Variants in PARP3 observed in about 807,000 individuals in gnomAD.
The protein encoded by PARP3 is poly(ADP-ribose) polymerase family member 3.
PARP3 carries 46 observed loss-of-function variants against 58.2 expected under a neutral mutation model. The ratio of observed to expected loss-of-function variants is 0.79; its 90% CI spans 0.62 to 1.01. The LOEUF (loss-of-function observed/expected upper bound fraction) is 1.01. PARP3 is among the 50% of genes least tolerant of loss of function. The probability of loss-of-function intolerance (pLI) is 0.00; values close to 1 mark genes in which losing one functional copy is unlikely to be tolerated. For missense variants in PARP3, 663 were observed against 683.9 expected (o/e 0.97, Z 0.34); for synonymous variants, 252 against 266.4 (o/e 0.95, Z 0.53).
chr3:51,948,214 C>G, intron 10 of PARP3, 97 bp from the exon 11 acceptor site: 1 of 1,256,694 alleles, frequency 8.0e-7, no homozygotes, highest in East Asian at 2.3e-5. Flanking sequence ...GCAGGCGTGC[C>G]CTGTGACAGA....
chr3:51,945,381 G>A (rs1699652363), intron 6 of PARP3, 114 bp from the exon 7 acceptor site: 1 of 1,395,016 alleles, frequency 7.2e-7, no homozygotes, highest in Non-Finnish European at 9.8e-7. Context: ...GATAGGGTGG[G>A]GAGGGACAGG....
rs115048568 is a variant in PARP3 at position 51,943,676 on chromosome 3, C to T, written c.183+138C>T. 7.2e-3 allele frequency: 5,753 copies of T among 803,696 alleles called. 53 individuals carry two copies. Among genetic ancestry groups the T allele is most frequent in the South Asian group, 0.025 (1,566 of 61,542 alleles). The allele number at this position is 803,696 out of a possible 1,614,324, so 49.8% of individuals were successfully genotyped here. A position where few individuals can be genotyped will look rare whatever the true frequency, so the allele number is the denominator to read the frequency against. On this transcript the variant is annotated intron_variant, in intron 2 of 10. Transcript: ENST00000398755. ...AGCGCCAGAGCAAGGCCATGTTCTC[C>T]TGACCCCAGACATCAGGGCTGTGTC...
intron 9 of PARP3, 49 bp from the exon 10 acceptor site, chr3:51,947,691 A>G: frequency 6.2e-7 from 1 of 1,607,816 alleles, no homozygotes. Flanking sequence ...CCCACAGGTC[A>G]GCAGGAGGCA....
In PARP3 at chr3:51,946,764, A is replaced by G. The variant is rs2106697823; in HGVS notation, c.1276+421A>G. 6.6e-6 allele frequency among the ~76,000 whole-genome samples: 1 copy of G among 152,342 alleles called. No homozygotes were observed. Among genetic ancestry groups the G allele is most frequent in the South Asian group, 2.1e-4 (1 of 4,828 alleles). On this transcript the variant is annotated intron_variant, in intron 9 of 10. Transcript: ENST00000398755. This position sits in a 1 kb window ranked among gnomAD's most constrained non-coding sequence, Gnocchi z 4.6. ...AGACTCCATCTGAAAAAATAAAAAT[A>G]AAAAAGAGGAGACGTCAAGGCAAGG...
In PARP3 at chr3:51,942,416, C is replaced by T; in HGVS notation, c.-295C>T. The T allele has an allele frequency of 1.7e-6, 1 of 573,674 alleles. No individual in the cohort carries two copies. Among genetic ancestry groups the T allele is most frequent in the Non-Finnish European group, 3.2e-6 (1 of 317,030 alleles). The allele number at this position is 573,674 out of a possible 1,614,324, so 35.5% of individuals were successfully genotyped here. On this transcript the variant is annotated 5_prime_UTR_variant, in exon 1 of 11. The change creates a new upstream start codon in the 5' untranslated region. Coordinates refer to ENST00000398755, the MANE Select transcript of PARP3 (RefSeq NM_001003931.4). ...GGCCCCGGCCACATGAGCAGCGCTA[C>T]GGACGCGACTGCCCCGGCCTTGGAT... is the stretch of plus-strand genomic sequence containing the variant.
chr3:51,945,742 T>A (rs1162096214), intron 7 of PARP3, 98 bp downstream of exon 7: 1 of 1,529,852 alleles, frequency 6.5e-7, no homozygotes, highest in African/African-American at 1.4e-5. Context: ...CCCTCAGCCT[T>A]CTCTTCCTGT....
chr3:51,945,191 T>C lies in PARP3; in HGVS notation c.828T>C (p.Pro276=), dbSNP rs1250865425. 1 of 1,613,928 alleles carries C rather than the reference T, an allele frequency of 6.2e-7. No individual in the cohort carries two copies. ...GCCAGCCCCCGCCCATCAATTCCCCTGAGCTTCTGCAGGCCAAGAAGGACA... is the reference window on the plus strand; with the variant it reads ...GCCAGCCCCCGCCCATCAATTCCCCCGAGCTTCTGCAGGCCAAGAAGGACA... ...GHSQPPPINS[P]ELLQAKKDML... Residue 276 remains proline, a synonymous_variant, in exon 6 of 11, where the codon CCT becomes CCC. Transcript: ENST00000398755.
At chr3:51,947,557 A>G in intron 9 of PARP3, 183 bp from the exon 10 acceptor site, 2 of 638,468 alleles carry the variant, frequency 3.1e-6, no homozygotes, top group South Asian at 1.9e-5. Context: ...GCCTGGCCAT[A>G]GGGAGCACAG....
Position 51,945,040 on chromosome 3 carries a change from T to G in PARP3, c.677T>G (p.Ile226Ser). 1 of 1,613,912 alleles carries G rather than the reference T, an allele frequency of 6.2e-7. No individual in the cohort carries two copies. The highest frequency in any genetic ancestry group is 8.5e-7 in the Non-Finnish European group (1 of 1,180,006). The change falls in exon 6 of 11, where the codon ATT (isoleucine) becomes AGT (serine). Residue 226 changes from isoleucine (I) to serine (S), a missense_variant. Ile to Ser is a moderately radical substitution (Grantham distance 142). Around this residue, in one of 3 missense-constraint regions of PARP3, gnomAD observed 567 missense variants for 553.6 expected, o/e 1.02. Coordinates refer to ENST00000398755, the MANE Select transcript of PARP3 (RefSeq NM_001003931.4). ...MPLGKLSKQQ[I>S]ARGFEALEAL... ...CTGGGAAAGCTGAGCAAGCAACAGATTGCACGGGGTTTCGAGGCCTTGGAG... is the reference window on the plus strand; with the variant it reads ...CTGGGAAAGCTGAGCAAGCAACAGAGTGCACGGGGTTTCGAGGCCTTGGAG...
At chr3:51,945,347 C>A in intron 6 of PARP3, 123 bp downstream of exon 6, 3 of 1,197,866 alleles carry the variant, frequency 2.5e-6, no homozygotes, top group Non-Finnish European at 1.1e-6. Flanking sequence ...GGCTGACAGA[C>A]GGGTGGGGAA....
rs1699568280 is a variant in PARP3 at position 51,942,496 on chromosome 3, C to T, written c.-215C>T. 1 of 670,424 alleles carries T rather than the reference C, an allele frequency of 1.5e-6. No individual in the cohort carries two copies. Among genetic ancestry groups the T allele is most frequent in the Non-Finnish European group, 2.8e-6 (1 of 363,004 alleles). 41.5% of individuals were successfully genotyped at this position (670,424 alleles called of 1,614,324 possible). A position where few individuals can be genotyped will look rare whatever the true frequency, so the allele number is the denominator to read the frequency against. On this transcript the variant is annotated 5_prime_UTR_variant, in exon 1 of 11. Coordinates refer to ENST00000398755, the MANE Select transcript of PARP3 (RefSeq NM_001003931.4). Reference sequence around the variant, plus strand: ...GGACTGGTCGCCTGACTCGGCCTGCCCCAGCCTCTGCTTCACCCCACTGGT... The same window carrying T: ...GGACTGGTCGCCTGACTCGGCCTGCTCCAGCCTCTGCTTCACCCCACTGGT...
rs200547379 is a variant in PARP3, at chr3:51,946,381, G to A, written c.1276+38G>A. 2.0e-6 allele frequency: 3 copies of A among 1,522,790 alleles called. No homozygotes were observed. The East Asian group carries it at 6.8e-5, about 34-fold the overall frequency. 94.3% of individuals were successfully genotyped at this position (1,522,790 alleles called of 1,614,324 possible). ...TCTGGGCCAAGCCCTGGGAGGGTTGGCACTAAGATGGATTGGGCCCAGTCC... is the reference window on the plus strand; with the variant it reads ...TCTGGGCCAAGCCCTGGGAGGGTTGACACTAAGATGGATTGGGCCCAGTCC... On this transcript the variant is annotated intron_variant, in intron 9 of 10. Transcript: ENST00000398755. This position sits in a 1 kb window ranked among gnomAD's most constrained non-coding sequence, Gnocchi z 4.6.
chr3:51,947,621 T>C, intron 9 of PARP3, 119 bp from the exon 10 acceptor site: 1 of 1,059,580 alleles, frequency 9.4e-7, no homozygotes, highest in Non-Finnish European at 1.4e-6. Context: ...TGGGGGAGAG[T>C]GAGCCTTTTC....
Position 51,948,368 on chromosome 3 carries a change from G to A in PARP3, c.1490G>A (p.Gly497Asp), listed in dbSNP as rs770674176. 1.2e-6 allele frequency: 2 copies of A among 1,613,464 alleles called. No homozygotes were observed. Among genetic ancestry groups the A allele is most frequent in the East Asian group, 4.5e-5 (2 of 44,878 alleles). The change falls in exon 11 of 11, where the codon GGC becomes GAC. Residue 497 changes from glycine (G) to aspartate (D), a missense_variant. This residue lies in a region of PARP3 where 88 missense variants were observed against 109.1 expected (regional missense o/e 0.81). Transcript: ENST00000398755. ...GGCCAGCAAGTGGTGGTGCCCCAGG[G>A]CCAGCCTGTGCCCTGCCCAGAGTTC... ...LDGQQVVVPQ[G>D]QPVPCPEFSS...
Position 51,947,862 on chromosome 3 carries a change from G to A in PARP3, c.1399G>A (p.Asp467Asn), listed in dbSNP as rs760510733. ...CTTGAAGAGCCCACCTCCTGGCTTC[G>A]ACAGTGTCATTGCCCGAGGCCACAC... ...PSLKSPPPGF[D>N]SVIARGHTEP... is the part of the protein sequence containing the mutation. The change falls in exon 10 of 11, where the codon GAC (aspartate) becomes AAC (asparagine). Residue 467 changes from aspartate (D) to asparagine (N), a missense_variant. By Grantham distance (23) the Asp-to-Asn change is conservative. Transcript: ENST00000398755. 26 of 1,613,952 alleles carry A rather than the reference G, an allele frequency of 1.6e-5. No homozygotes were observed. The highest frequency in any genetic ancestry group is 5.5e-5 in the South Asian group (5 of 91,090).
At chr3:51,948,226 A>T in intron 10 of PARP3, 85 bp from the exon 11 acceptor site, 1 of 1,342,942 alleles carries the variant, frequency 7.4e-7, no homozygotes, top group Admixed American at 2.1e-5. Flanking sequence ...TGTGACAGAC[A>T]TGGAGAGCAT....
At position 51,948,635 on chromosome 3, in the gene PARP3, T is replaced by G. The variant is rs1699737600; in HGVS notation, c.*155T>G. 4.4e-6 allele frequency: 3 copies of G among 675,094 alleles called. No individual in the cohort carries two copies. The highest frequency in any genetic ancestry group is 3.3e-4 in the Middle Eastern group (1 of 3,020). 41.8% of individuals were successfully genotyped at this position (675,094 alleles called of 1,614,324 possible). A position where few individuals can be genotyped will look rare whatever the true frequency, so the allele number is the denominator to read the frequency against. On this transcript the variant is annotated 3_prime_UTR_variant, in exon 11 of 11. Transcript: ENST00000398755. ...ATGCTGTACAAGATCCCTGAACTTA[T>G]GCCTCCTAACTGAAATTTTGTATTC...
At position 51,948,006 on chromosome 3, in the gene PARP3, G is replaced by A. The variant is rs961669012; in HGVS notation, c.1432+111G>A. The A allele has an allele frequency of 2.2e-5, 24 of 1,090,290 alleles. No individual in the cohort carries two copies. The South Asian group carries it at 2.2e-4, about 10-fold the overall frequency. The allele number at this position is 1,090,290 out of a possible 1,614,324, so 67.5% of individuals were successfully genotyped here. A position where few individuals can be genotyped will look rare whatever the true frequency, so the allele number is the denominator to read the frequency against. On this transcript the variant is annotated intron_variant, in intron 10 of 10. Coordinates refer to ENST00000398755, the MANE Select transcript of PARP3 (RefSeq NM_001003931.4). ...AGGGACAAAAAGAAGCTTCCCTGTC[G>A]TCACTCAGTTTGTCATTTGACAAAC...
chr3:51,946,229 A>C lies in PARP3; in HGVS notation c.1162A>C (p.Met388Leu). 19 of 1,613,778 alleles carry C rather than the reference A, an allele frequency of 1.2e-5. No homozygotes were observed. The highest frequency in any genetic ancestry group is 1.6e-5 in the Non-Finnish European group (19 of 1,179,780). Residue 388 changes from methionine to leucine, a missense_variant, in exon 9 of 11, where the codon ATG (methionine) becomes CTG (leucine). Physicochemically the swap from Met to Leu is conservative, Grantham distance 15. Coordinates refer to ENST00000398755, the MANE Select transcript of PARP3 (RefSeq NM_001003931.4). This position sits in a 1 kb window ranked among gnomAD's most constrained non-coding sequence, Gnocchi z 4.6. ...GAAGCTGCTGTGGCATGGCACCAAC[A>C]TGGCCGTGGTGGCCGCCATCCTCAC... ...NRKLLWHGTNMAVVAAILTSG... is the reference protein window; with the variant it reads ...NRKLLWHGTNLAVVAAILTSG...
Sources: gnomAD v4.1 joint callset for allele counts (sites outside exome capture counted in the v4.1 genomes callset) on GRCh38, gnomAD v4.1.1 for gene constraint, gnomAD v4.1.1 regional missense constraint, Gnocchi (gnomAD v3.1) non-coding constraint, MANE v1.5 for transcripts, NCBI Gene and HGNC (gene_info 2026-07-23, HGNC 2026-07-21) for gene names.